The following CSGALNACT1 variants were observed in gnomAD, a reference collection of about 807,000 sequenced individuals.
CSGALNACT1 encodes beta4GalNAcT-1.
CSGALNACT1 carries 52 observed loss-of-function variants against 51.0 expected under a neutral mutation model. That is an observed-to-expected ratio of 1.02 (90% confidence interval 0.82 to 1.29). CSGALNACT1 has a LOEUF of 1.29. Ranked by LOEUF, CSGALNACT1 falls within the 50% of genes most tolerant of loss-of-function variation. The pLI is 0.00. For missense variants in CSGALNACT1, 935 were observed against 679.2 expected (o/e 1.38, Z -4.19); for synonymous variants, 341 against 254.4 (o/e 1.34, Z -3.24).
intron 4 of CSGALNACT1, among the ~76,000 whole-genome samples, chr8:19,489,141 G>A (rs927413677): frequency 3.3e-5 from 5 of 152,140 alleles, no homozygotes; most frequent in African/African-American, 1.2e-4. Flanking sequence ...GACACAGGGT[G>A]TCCCTAGAAG....
chr8:19,718,250 C>T (rs1262311355), intron 1 of CSGALNACT1, among the ~76,000 whole-genome samples: 2 of 152,116 alleles, frequency 1.3e-5, no homozygotes, highest in African/African-American at 2.4e-5. Flanking sequence ...CCTGCTGCCA[C>T]ACCCCTCTAA....
chr8:19,461,981 T>A (rs1359012656), intron 4 of CSGALNACT1, among the ~76,000 whole-genome samples: 1 of 148,026 alleles, frequency 6.8e-6, no homozygotes, highest in African/African-American at 2.5e-5. Context: ...ACAGGATAGC[T>A]GCACAGCAAC....
intron 3 of CSGALNACT1, among the ~76,000 whole-genome samples, chr8:19,551,136 A>G (rs903730935): frequency 6.6e-6 from 1 of 152,232 alleles, no homozygotes; most frequent in African/African-American, 2.4e-5. Flanking sequence ...CAATGAAGAA[A>G]AAAACAACTG....
rs759689991 is a variant in CSGALNACT1, at chr8:19,494,829, G to A, written c.634+10372C>T. On this transcript the variant is annotated intron_variant, in intron 4 of 9. Transcript: ENST00000454498. ...GAGAAACCAGATGGAACACTCCAAC[G>A]TTAGAAAGTCCATTTCTTCCCTCCA... 7.9e-4 allele frequency among the ~76,000 whole-genome samples: 111 copies of A among 140,810 alleles called. 1 individual carries two copies. The highest frequency in any genetic ancestry group is 1.2e-3 in the Non-Finnish European group (82 of 66,712). The allele number at this position is 140,810 out of a possible 152,430, so 92.4% of individuals were successfully genotyped here.
chr8:19,415,985 A>G (rs186656529), intron 8 of CSGALNACT1, among the ~76,000 whole-genome samples: 1 of 152,372 alleles, frequency 6.6e-6, no homozygotes, highest in African/African-American at 2.4e-5. Flanking sequence ...TAAAAGATTT[A>G]AAAACATTTT....
intron 1 of CSGALNACT1, among the ~76,000 whole-genome samples, chr8:19,681,414 C>T (rs932221226): frequency 1.3e-5 from 2 of 152,112 alleles, no homozygotes; most frequent in African/African-American, 4.8e-5. Flanking sequence ...CCATCCCCAT[C>T]GCTGGCTCCT....
upstream of CSGALNACT1, among the ~76,000 whole-genome samples, chr8:19,604,278 G>C (rs79780069): frequency 9.4e-3 from 1,425 of 152,170 alleles, 16 homozygotes; most frequent in African/African-American, 0.032. Context: ...ATGAGAAGTG[G>C]GTATGTTCAA....
chr8:19,587,065 T>C (rs962020916), intron 3 of CSGALNACT1, among the ~76,000 whole-genome samples: 1 of 152,218 alleles, frequency 6.6e-6, no homozygotes. Context: ...GTGTTTGAGT[T>C]ATTGGCCTTA....
rs547814474 is a variant in CSGALNACT1 at position 19,427,114 on chromosome 8, G to A, written c.954-6596C>T. On this transcript the variant is annotated intron_variant, in intron 6 of 9. Coordinates refer to ENST00000454498, the Ensembl canonical transcript of CSGALNACT1. ...GTAGGCACTTTAAATAATTAATTTA[G>A]AATTGCCTAGATTCTGAGCTTCTTT... 1.1e-4 allele frequency among the ~76,000 whole-genome samples: 16 copies of A among 152,252 alleles called. No individual in the cohort carries two copies. In the South Asian group the frequency reaches 3.1e-3, roughly 30 times the overall value.
intron 1 of CSGALNACT1, among the ~76,000 whole-genome samples, chr8:19,623,897 T>A (rs750887627): frequency 6.6e-6 from 1 of 152,210 alleles, no homozygotes; most frequent in Non-Finnish European, 1.5e-5. Context: ...TATTAATGAA[T>A]CATGTACTTA....
chr8:19,663,018 A>T (rs925215068), intron 1 of CSGALNACT1, among the ~76,000 whole-genome samples: 2 of 152,198 alleles, frequency 1.3e-5, no homozygotes. Flanking sequence ...TAGTGCTACA[A>T]ATGCCTGGAA....
chr8:19,648,739 A>G (rs2057504387), intron 1 of CSGALNACT1, among the ~76,000 whole-genome samples: 1 of 152,178 alleles, frequency 6.6e-6, no homozygotes, highest in Non-Finnish European at 1.5e-5. Flanking sequence ...GGAGCAACTG[A>G]GGGTATAGTG....
At chr8:19,620,990 A>C (rs2053753245) in intron 1 of CSGALNACT1, among the ~76,000 whole-genome samples, 1 of 152,160 alleles carries the variant, frequency 6.6e-6, no homozygotes, top group East Asian at 1.9e-4. Flanking sequence ...ATAGAAACTT[A>C]ACACCGTAAA....
rs780942854 is a variant in CSGALNACT1 at position 19,489,567 on chromosome 8, G to A, written c.634+15634C>T. ...AATCAACGTTTATGTACCAGGCAACGTGCTTAATATTAGGGCTACAAAGTG... is the reference window on the plus strand; with the variant it reads ...AATCAACGTTTATGTACCAGGCAACATGCTTAATATTAGGGCTACAAAGTG... On this transcript the variant is annotated intron_variant, in intron 4 of 9. Transcript: ENST00000454498. Among the ~76,000 whole-genome samples the A allele has an allele frequency of 3.3e-5, 5 of 152,026 alleles. No homozygotes were observed. The South Asian group carries it at 6.2e-4, about 19-fold the overall frequency.
Position 19,666,932 on chromosome 8 carries a change from A to G in CSGALNACT1, c.-544+15541T>C, listed in dbSNP as rs2059309229. Among the ~76,000 whole-genome samples the G allele has an allele frequency of 1.1e-4, 14 of 132,592 alleles. 1 individual carries two copies. Among genetic ancestry groups the G allele is most frequent in the African/African-American group, 3.9e-4 (13 of 33,718 alleles). The allele number at this position is 132,592 out of a possible 152,430, so 87.0% of individuals were successfully genotyped here. On this transcript the variant is annotated intron_variant, in intron 1 of 9. Transcript: ENST00000332246. ...GAGGAAGGGAGGAAGGGAGAGACAG[A>G]GAGAGAGAGAAAAAGAAAGAAAGAA...
At chr8:19,469,041 G>A (rs1412321977) in intron 4 of CSGALNACT1, among the ~76,000 whole-genome samples, 4 of 152,224 alleles carry the variant, frequency 2.6e-5, no homozygotes, top group East Asian at 3.9e-4. Flanking sequence ...AGATAAGTGA[G>A]GGCCTGCTCA....
chr8:19,500,998 C>T (rs188405762), intron 4 of CSGALNACT1, among the ~76,000 whole-genome samples: 17 of 152,192 alleles, frequency 1.1e-4, no homozygotes, highest in Non-Finnish European at 2.2e-4. Flanking sequence ...GCCTGTAATC[C>T]CAGCACTTTG....
chr8:19,543,550 C>A (rs1042115793), intron 3 of CSGALNACT1, among the ~76,000 whole-genome samples: 1 of 152,200 alleles, frequency 6.6e-6, no homozygotes, highest in African/African-American at 2.4e-5. Context: ...ACAGAGAATG[C>A]CTAAGTGACT....
intron 5 of CSGALNACT1, among the ~76,000 whole-genome samples, chr8:19,455,689 C>G (rs1249609086): frequency 6.6e-6 from 1 of 152,190 alleles, no homozygotes; most frequent in African/African-American, 2.4e-5. Context: ...TCAACAGTCT[C>G]AGAAATGCCT....
Sources: gnomAD v4.1 joint callset for allele counts (sites outside exome capture counted in the v4.1 genomes callset) on GRCh38, gnomAD v4.1.1 for gene constraint, MANE v1.5 for transcripts, NCBI Gene and HGNC (gene_info 2026-07-23, HGNC 2026-07-21) for gene names.